The following DIP2C variants were observed in gnomAD, a reference collection of about 807,000 sequenced individuals.
DIP2C encodes DIP2 acetate--CoA ligase C (putative).
In DIP2C, 33 loss-of-function variants were observed where a neutral mutation model predicts 192.4. The ratio of observed to expected loss-of-function variants is 0.17; its 90% CI spans 0.13 to 0.23. The LOEUF (loss-of-function observed/expected upper bound fraction) is 0.23, where lower values mean the gene tolerates loss of function less well. Ranked by LOEUF, DIP2C falls within the 10% of genes least tolerant of loss-of-function variation. DIP2C has a pLI of 1.00. For synonymous variants in DIP2C, 979 were observed against 864.1 expected, an observed-to-expected ratio of 1.13 and a Z score of -2.33; for missense variants, 1,537 against 2,110.1, an observed-to-expected ratio of 0.73 and a Z score of 5.32.
At chr10:579,895 C>G (rs191799297) in intron 1 of DIP2C, among the ~76,000 whole-genome samples, 2,058 of 141,794 alleles carry the variant, frequency 0.015, 22 homozygotes, top group Non-Finnish European at 0.021. Flanking sequence ...ATGCATCTAG[C>G]ACACAATCTA....
intron 1 of DIP2C, among the ~76,000 whole-genome samples, chr10:583,635 C>T (rs533270613): frequency 6.6e-6 from 1 of 152,356 alleles, no homozygotes; most frequent in Non-Finnish European, 1.5e-5. Context: ...CGAGACTGTG[C>T]TGAAACCGAT....
chr10:637,114 C>T (rs114507430), intron 1 of DIP2C, among the ~76,000 whole-genome samples: 2 of 152,250 alleles, frequency 1.3e-5, no homozygotes, highest in Admixed American at 1.3e-4. Context: ...GTCCCACCTG[C>T]GTAAGATGGT....
At chr10:482,056 A>G (rs1246640695) in intron 2 of DIP2C, among the ~76,000 whole-genome samples, 2 of 152,340 alleles carry the variant, frequency 1.3e-5, no homozygotes, top group East Asian at 3.9e-4. Flanking sequence ...GGGAATCCGG[A>G]TGGTCTGACT....
At chr10:568,551 A>C (rs1157872846) in intron 1 of DIP2C, among the ~76,000 whole-genome samples, 1 of 151,964 alleles carries the variant, frequency 6.6e-6, no homozygotes, top group Non-Finnish European at 1.5e-5. Context: ...GCGGATCATG[A>C]GGTCAGGAGA....
intron 1 of DIP2C, among the ~76,000 whole-genome samples, chr10:492,192 C>CA (rs1454206665): frequency 6.6e-6 from 1 of 152,208 alleles, no homozygotes; most frequent in Admixed American, 6.5e-5. Context: ...AGGCATACCC[C>CA]AGACAGCAGA....
chr10:561,088 TTTGA>T (rs1278046844), intron 1 of DIP2C, among the ~76,000 whole-genome samples: 1 of 152,204 alleles, frequency 6.6e-6, no homozygotes, highest in East Asian at 1.9e-4. Context: ...CTTACATTTA[TTTGA>T]TTGATGTCTC....
At chr10:392,929 G>GGACCAGA (rs1963614727) in intron 10 of DIP2C, among the ~76,000 whole-genome samples, 1 of 152,096 alleles carries the variant, frequency 6.6e-6, no homozygotes, top group South Asian at 2.1e-4. Context: ...ACAAAGAAAG[G>GGACCAGA]GACCAGACAG....
intron 1 of DIP2C, among the ~76,000 whole-genome samples, chr10:613,779 A>ACC (rs975164348): frequency 2.0e-5 from 3 of 152,084 alleles, no homozygotes. Context: ...TCCCCCAGCC[A>ACC]CCCTCCTGAT....
chr10:652,378 TG>T lies in DIP2C; in HGVS notation c.85+37115del. The T allele has an allele frequency of 5.6e-6, 1 of 177,836 alleles. No individual in the cohort carries two copies. Among genetic ancestry groups the T allele is most frequent in the Non-Finnish European group, 1.2e-5 (1 of 81,976 alleles). 11.0% of individuals were successfully genotyped at this position (177,836 alleles called of 1,614,324 possible). On this transcript the variant is annotated intron_variant, in intron 1 of 36. Coordinates refer to ENST00000280886, the MANE Select transcript of DIP2C (RefSeq NM_014974.3). This position sits in a 1 kb window ranked among gnomAD's most constrained non-coding sequence, Gnocchi z 4.5. ...TGAGAACTGAGTTCCAGTCCCGGGG[TG>T]GGGTGGCGGGGGGGCGCACTGTGCA...
intron 1 of DIP2C, among the ~76,000 whole-genome samples, chr10:577,112 A>T (rs534710358): frequency 1.3e-5 from 2 of 152,348 alleles, no homozygotes; most frequent in African/African-American, 2.4e-5. Context: ...AACAAAAAAT[A>T]AAGCGCAGAT....
intron 1 of DIP2C, among the ~76,000 whole-genome samples, chr10:643,373 G>A (rs1241430594): frequency 6.6e-6 from 1 of 152,130 alleles, no homozygotes; most frequent in Non-Finnish European, 1.5e-5. Context: ...AATTAGCCAG[G>A]CGTGGTGGCG....
At chr10:309,604 G>A (rs1016992291) in intron 32 of DIP2C, among the ~76,000 whole-genome samples, 1 of 151,138 alleles carries the variant, frequency 6.6e-6, no homozygotes, top group Non-Finnish European at 1.5e-5. Context: ...TGTCACCCAG[G>A]CTGGAATGCA....
intron 1 of DIP2C, among the ~76,000 whole-genome samples, chr10:678,589 C>G (rs1830961398): frequency 6.8e-6 from 1 of 147,362 alleles, no homozygotes; most frequent in African/African-American, 2.5e-5. Context: ...TCCCTGCAGC[C>G]ATGCTCCCCA....
At chr10:540,405 T>C (rs1847914577) in intron 1 of DIP2C, among the ~76,000 whole-genome samples, 1 of 152,236 alleles carries the variant, frequency 6.6e-6, no homozygotes, top group African/African-American at 2.4e-5. Context: ...AGCTTCCACC[T>C]TCCCACATCT....
chr10:417,539 C>T (rs887143996), intron 6 of DIP2C, among the ~76,000 whole-genome samples: 28 of 152,182 alleles, frequency 1.8e-4, no homozygotes, highest in African/African-American at 4.3e-4. Context: ...TGGACACTTA[C>T]GAAGGCACAG....
chr10:558,060 C>T (rs914554936), intron 1 of DIP2C, among the ~76,000 whole-genome samples: 2 of 152,242 alleles, frequency 1.3e-5, no homozygotes, highest in South Asian at 4.1e-4. Context: ...TAAGCAACAG[C>T]ATCTTCAGAT....
chr10:532,650 T>A lies in DIP2C; in HGVS notation c.86-46120A>T, dbSNP rs61831028. Among the ~76,000 whole-genome samples the A allele has an allele frequency of 3.5e-3, 342 of 97,394 alleles. 22 individuals carry two copies. The highest frequency in any genetic ancestry group is 0.016 in the African/African-American group (285 of 17,894). 63.9% of individuals were successfully genotyped at this position (97,394 alleles called of 152,430 possible). ...ATGGGTGTGAGAGAGAGTATGGGTG[T>A]GAGAGAGAGTATGGGTGTGAGAGAG... is the stretch of plus-strand genomic sequence containing the variant. On this transcript the variant is annotated intron_variant, in intron 1 of 36. Transcript: ENST00000280886.
At chr10:350,279 G>A (rs527963365) in intron 24 of DIP2C, among the ~76,000 whole-genome samples, 3 of 152,150 alleles carry the variant, frequency 2.0e-5, no homozygotes, top group African/African-American at 7.2e-5. Flanking sequence ...TAGAGATGGG[G>A]TCTCCCTACA....
At chr10:556,163 C>T (rs1437437092) in intron 1 of DIP2C, among the ~76,000 whole-genome samples, 1 of 128,616 alleles carries the variant, frequency 7.8e-6, no homozygotes, top group Admixed American at 7.4e-5. Context: ...ACGGCACCCA[C>T]CCCTCCCACA....
Sources: gnomAD v4.1 joint callset for allele counts (sites outside exome capture counted in the v4.1 genomes callset) on GRCh38, gnomAD v4.1.1 for gene constraint, Gnocchi (gnomAD v3.1) non-coding constraint, MANE v1.5 for transcripts, NCBI Gene and HGNC (gene_info 2026-07-23, HGNC 2026-07-21) for gene names.